The following ADARB2 variants were observed in gnomAD, a reference collection of about 807,000 sequenced individuals.
ADARB2 encodes inactive double-stranded RNA-specific editase B2.
Under a neutral mutation model 62.2 loss-of-function variants are expected in ADARB2, and 25 were observed. That is an observed-to-expected ratio of 0.40 (90% CI 0.29 to 0.56). The LOEUF is 0.56. Ranked by LOEUF, ADARB2 falls within the 20% of genes least tolerant of loss-of-function variation. The pLI is 0.43. For missense variants in ADARB2, 1,071 were observed against 1,077.4 expected (o/e 0.99, Z 0.08); for synonymous variants, 572 against 500.8 (o/e 1.14, Z -1.90).
intron 1 of ADARB2, among the ~76,000 whole-genome samples, chr10:1,402,982 G>A (rs937800549): frequency 6.6e-6 from 1 of 152,230 alleles, no homozygotes. Flanking sequence ...TCCGTGAGGG[G>A]CACAGGACTC....
chr10:1,644,231 C>T (rs1834009463), intron 1 of ADARB2, among the ~76,000 whole-genome samples: 1 of 152,248 alleles, frequency 6.6e-6, no homozygotes, highest in African/African-American at 2.4e-5. Context: ...CAGGCTGCAG[C>T]CGCATTTGCG....
chr10:1,223,604 C>A (rs1465868351), intron 6 of ADARB2, among the ~76,000 whole-genome samples: 1 of 152,060 alleles, frequency 6.6e-6, no homozygotes, highest in Non-Finnish European at 1.5e-5. Context: ...CCCATCAATA[C>A]CTAATTTATT....
At chr10:1,333,378 A>G (rs1457626045) in intron 3 of ADARB2, among the ~76,000 whole-genome samples, 3 of 152,138 alleles carry the variant, frequency 2.0e-5, no homozygotes, top group Non-Finnish European at 2.9e-5. Flanking sequence ...TCTGCAGCAC[A>G]GTGGGTCACT....
At chr10:1,437,381 C>T (rs973587989) in intron 1 of ADARB2, among the ~76,000 whole-genome samples, 4 of 150,438 alleles carry the variant, frequency 2.7e-5, no homozygotes, top group Non-Finnish European at 4.4e-5. Flanking sequence ...GCAATTCATA[C>T]ATATTTATAG....
intron 1 of ADARB2, among the ~76,000 whole-genome samples, chr10:1,445,220 T>A (rs1272630992): frequency 6.9e-6 from 1 of 145,546 alleles, no homozygotes; most frequent in Non-Finnish European, 1.5e-5. Flanking sequence ...CACACACCCA[T>A]CCATTCATTC....
intron 1 of ADARB2, among the ~76,000 whole-genome samples, chr10:1,722,704 G>C (rs1419725053): frequency 6.6e-6 from 1 of 152,028 alleles, no homozygotes. Flanking sequence ...TTAATTCATT[G>C]CATTCCTTAA....
rs1251780487 is a variant in ADARB2 at position 1,599,917 on chromosome 10, AT to A, written c.100+137133del. ...ATGCATCACCACACCTAATTTTTGTATTTTTTTTCTAGAAATGGAGTTTCAC... is the reference window on the plus strand; with the variant it reads ...ATGCATCACCACACCTAATTTTTGTATTTTTTTCTAGAAATGGAGTTTCAC... On this transcript the variant is annotated intron_variant, in intron 1 of 9. Coordinates refer to ENST00000381312, the MANE Select transcript of ADARB2 (RefSeq NM_018702.4). Among the ~76,000 whole-genome samples the A allele has an allele frequency of 4.0e-5, 6 of 151,542 alleles. No individual in the cohort carries two copies. In the East Asian group the frequency reaches 5.8e-4, roughly 15 times the overall value.
intron 1 of ADARB2, among the ~76,000 whole-genome samples, chr10:1,719,564 T>G (rs965167687): frequency 1.2e-4 from 19 of 152,142 alleles, no homozygotes; most frequent in African/African-American, 4.3e-4. Context: ...CTAATTAAAC[T>G]AAAGAGCTTC....
chr10:1,189,496 G>C (rs1467477053), intron 8 of ADARB2, among the ~76,000 whole-genome samples: 1 of 152,100 alleles, frequency 6.6e-6, no homozygotes, highest in Admixed American at 6.5e-5. Flanking sequence ...GCCTAGAAAT[G>C]AAAGCCTGGC....
Position 1,242,296 on chromosome 10 carries a change from A to G in ADARB2, c.1196T>C (p.Leu399Pro), listed in dbSNP as rs537767766. 1 of 1,555,132 alleles carries G rather than the reference A, an allele frequency of 6.4e-7. No individual in the cohort carries two copies. The highest frequency in any genetic ancestry group is 1.9e-5 in the Admixed American group (1 of 51,616). The change falls in exon 5 of 10, where the codon CTG (leucine) becomes CCG (proline). Residue 399 changes from leucine (L) to proline (P), a missense_variant. Transcript: ENST00000381312. ...ALAGIVMTKGLDARQAQVVAL... is the reference protein window; with the variant it reads ...ALAGIVMTKGPDARQAQVVAL... Reference sequence around the variant, plus strand: ...CACGACCTGCGCCTGCCGAGCATCCAGGCCTGGGGACACAGATAGCATCAG... The same window carrying G: ...CACGACCTGCGCCTGCCGAGCATCCGGGCCTGGGGACACAGATAGCATCAG...
Position 1,266,855 on chromosome 10 carries a change from G to C in ADARB2, c.1192+4100C>G, listed in dbSNP as rs12255201. Among the ~76,000 whole-genome samples, 393 of 152,218 alleles carry C rather than the reference G, an allele frequency of 2.6e-3. 1 individual carries two copies. Among genetic ancestry groups the C allele is most frequent in the African/African-American group, 8.6e-3 (356 of 41,514 alleles). Reference sequence around the variant, plus strand: ...TTGAAAAAGGAAGAATGGAGGATAAGGGAAAGATTTAAATAATGAAAATAG... The same window carrying C: ...TTGAAAAAGGAAGAATGGAGGATAACGGAAAGATTTAAATAATGAAAATAG... On this transcript the variant is annotated intron_variant, in intron 4 of 9. Transcript: ENST00000381312.
At chr10:1,419,896 A>T (rs1242874741) in intron 1 of ADARB2, among the ~76,000 whole-genome samples, 2 of 152,204 alleles carry the variant, frequency 1.3e-5, no homozygotes, top group African/African-American at 4.8e-5. Flanking sequence ...CAGTTCTGTA[A>T]GTTTTGGACT....
intron 3 of ADARB2, among the ~76,000 whole-genome samples, chr10:1,309,504 G>C (rs896046836): frequency 6.6e-6 from 1 of 152,230 alleles, no homozygotes; most frequent in Non-Finnish European, 1.5e-5. Flanking sequence ...TGGGAAGTCC[G>C]GTGGCTACCA....
intron 1 of ADARB2, among the ~76,000 whole-genome samples, chr10:1,454,965 C>T (rs148793333): frequency 2.4e-4 from 37 of 152,292 alleles, no homozygotes; most frequent in African/African-American, 7.9e-4. Context: ...TACCAACAAG[C>T]GACAGAGGAA....
At chr10:1,273,676 A>G (rs567007034) in intron 3 of ADARB2, among the ~76,000 whole-genome samples, 28 of 152,286 alleles carry the variant, frequency 1.8e-4, no homozygotes, top group Middle Eastern at 3.4e-3. Flanking sequence ...AGGCCCACAG[A>G]GTCCTGGAGC....
intron 1 of ADARB2, among the ~76,000 whole-genome samples, chr10:1,650,714 C>A (rs1241987679): frequency 6.6e-6 from 1 of 152,190 alleles, no homozygotes; most frequent in Non-Finnish European, 1.5e-5. Flanking sequence ...AATTCTCTGT[C>A]CGCCCACTGC....
In ADARB2 at chr10:1,737,346, G is replaced by A; in HGVS notation, c.-196C>T. On this transcript the variant is annotated 5_prime_UTR_variant, in exon 1 of 10. Coordinates refer to ENST00000381312, the MANE Select transcript of ADARB2 (RefSeq NM_018702.4). Reference sequence around the variant, plus strand: ...TTGTTCTCTATGACTTGCTCCCACTGGGCTGGGGGCCTCGGCTGGGCGCCT... The same window carrying A: ...TTGTTCTCTATGACTTGCTCCCACTAGGCTGGGGGCCTCGGCTGGGCGCCT... 1 of 577,374 alleles carries A rather than the reference G, an allele frequency of 1.7e-6. No homozygotes were observed. Among genetic ancestry groups the A allele is most frequent in the Admixed American group, 3.1e-5 (1 of 32,720 alleles). The allele number at this position is 577,374 out of a possible 1,614,324, so 35.8% of individuals were successfully genotyped here. A position where few individuals can be genotyped will look rare whatever the true frequency, so the allele number is the denominator to read the frequency against.
chr10:1,450,132 G>A (rs1428651581), intron 1 of ADARB2, among the ~76,000 whole-genome samples: 5 of 152,146 alleles, frequency 3.3e-5, no homozygotes, highest in Admixed American at 6.5e-5. Flanking sequence ...GGAGGCTCCC[G>A]TCGAGAGGGA....
At chr10:1,735,645 C>T (rs1835290812) in intron 1 of ADARB2, among the ~76,000 whole-genome samples, 1 of 152,168 alleles carries the variant, frequency 6.6e-6, no homozygotes, top group African/African-American at 2.4e-5. Flanking sequence ...AGGTCTGTTT[C>T]AAAATGATAA....
Sources: allele counts gnomAD v4.1 joint callset (sites outside exome capture counted in the v4.1 genomes callset), GRCh38; gene constraint gnomAD v4.1.1; transcripts MANE v1.5; gene names NCBI Gene and HGNC (gene_info 2026-07-23, HGNC 2026-07-21).